The following TMEM245 variants were observed in gnomAD, a reference collection of about 807,000 sequenced individuals.
The protein encoded by TMEM245 is transmembrane protein 245, also known as protein CG-2.
TMEM245 carries 69 observed loss-of-function variants against 101.2 expected under a neutral mutation model. That is an observed-to-expected ratio of 0.68 (90% confidence interval 0.56 to 0.83). TMEM245 has a LOEUF of 0.83. Among genes scored for constraint, TMEM245 ranks in the 40% least tolerant of loss-of-function variants. The probability of loss-of-function intolerance (pLI) is 0.00; values close to 1 mark genes in which losing one functional copy is unlikely to be tolerated. For synonymous variants in TMEM245, 537 were observed against 449.8 expected, an observed-to-expected ratio of 1.19 and a Z score of -2.45; for missense variants, 1,075 against 1,092.8, an observed-to-expected ratio of 0.98 and a Z score of 0.23.
intron 14 of TMEM245, among the ~76,000 whole-genome samples, chr9:109,045,050 G>A (rs913030702): frequency 2.0e-5 from 3 of 152,092 alleles, no homozygotes; most frequent in East Asian, 1.9e-4. Context: ...GTGAGCCACC[G>A]TACCTGGCCT....
chr9:109,063,649 C>T (rs1010282288), intron 10 of TMEM245, among the ~76,000 whole-genome samples: 3 of 152,078 alleles, frequency 2.0e-5, no homozygotes, highest in African/African-American at 7.2e-5. Flanking sequence ...ATCCCAAATC[C>T]ATATGGTGGA....
At chr9:109,107,355 C>T (rs1830455930) in intron 2 of TMEM245, among the ~76,000 whole-genome samples, 1 of 149,958 alleles carries the variant, frequency 6.7e-6, no homozygotes, top group Non-Finnish European at 1.5e-5. Context: ...GCCAAGATCA[C>T]ACCACTGCAC....
intron 1 of TMEM245, among the ~76,000 whole-genome samples, chr9:109,114,830 T>C (rs1264607658): frequency 6.8e-6 from 1 of 147,070 alleles, no homozygotes; most frequent in Non-Finnish European, 1.5e-5. Flanking sequence ...CTGAGTAACA[T>C]GTGAACCTGG....
intron 17 of TMEM245, among the ~76,000 whole-genome samples, chr9:109,022,467 TTATCTATCTATCTATCTATC>T (rs35280235): frequency 6.7e-6 from 1 of 149,456 alleles, no homozygotes; most frequent in Non-Finnish European, 1.5e-5. Context: ...TTTATATGCA[TTATCTATCTATCTATCTATC>T]TATCTATCTA....
chr9:109,077,153 G>A (rs1052656967), intron 8 of TMEM245, among the ~76,000 whole-genome samples: 2 of 151,360 alleles, frequency 1.3e-5, no homozygotes, highest in African/African-American at 4.8e-5. Context: ...GGCGTGTTTC[G>A]TTTTTGTTTT....
At chr9:109,040,690 G>A (rs1034325895) in intron 14 of TMEM245, among the ~76,000 whole-genome samples, 10 of 152,182 alleles carry the variant, frequency 6.6e-5, no homozygotes, top group African/African-American at 2.4e-4. Flanking sequence ...GTACATTCAC[G>A]TTGTCGTGTA....
rs1827450660 is a variant in TMEM245 at position 109,016,655 on chromosome 9, T to G, written c.*3805A>C. 1.2e-5 allele frequency: 1 copy of G among 85,304 alleles called. No individual in the cohort carries two copies. The highest frequency in any genetic ancestry group is 2.1e-5 in the Non-Finnish European group (1 of 48,242). The allele number at this position is 85,304 out of a possible 1,614,324, so 5.3% of individuals were successfully genotyped here. ...CCAAACAGTGGCTGCAGACAGCATG[T>G]GTGTTTTTTTTTTTTTTTTTTTTTG... On this transcript the variant is annotated 3_prime_UTR_variant, in exon 18 of 18. Coordinates refer to ENST00000374586, the MANE Select transcript of TMEM245 (RefSeq NM_032012.4).
chr9:109,071,514 G>A (rs1469892894), intron 9 of TMEM245, among the ~76,000 whole-genome samples: 1 of 151,674 alleles, frequency 6.6e-6, no homozygotes, highest in Admixed American at 6.6e-5. Flanking sequence ...TAAAGTGGGA[G>A]GAATGATTGA....
chr9:109,046,953 A>AT (rs1248060528), intron 14 of TMEM245, among the ~76,000 whole-genome samples: 1 of 152,178 alleles, frequency 6.6e-6, no homozygotes, highest in African/African-American at 2.4e-5. Flanking sequence ...AAATCTGTAC[A>AT]TTTTAAGTCT....
intron 12 of TMEM245, among the ~76,000 whole-genome samples, chr9:109,055,665 G>A (rs996772111): frequency 2.1e-5 from 3 of 143,602 alleles, no homozygotes; most frequent in African/African-American, 7.9e-5. Context: ...ATGGAGTTTC[G>A]CTCTTGTTAC....
rs989382799 is a variant in TMEM245, at chr9:109,109,764, C to T, written c.580-1194G>A. On this transcript the variant is annotated intron_variant, in intron 1 of 17. Transcript: ENST00000374586. ...CAACAACTGGGAAATGATTACGATT[C>T]ACTCAATAAAATGTTATGCAACCAT... is the stretch of plus-strand genomic sequence containing the variant. 1.2e-4 allele frequency among the ~76,000 whole-genome samples: 18 copies of T among 152,070 alleles called. 1 individual carries two copies. Among genetic ancestry groups the T allele is most frequent in the African/African-American group, 3.6e-4 (15 of 41,416 alleles).
intron 1 of TMEM245, 109 bp downstream of exon 1, chr9:109,119,226 A>G: frequency 9.6e-7 from 1 of 1,044,178 alleles, no homozygotes; most frequent in Non-Finnish European, 1.3e-6. Flanking sequence ...TCACTGCAGC[A>G]CAGGTGTGGC....
chr9:109,036,867 T>C lies in TMEM245; in HGVS notation c.2225-487A>G, dbSNP rs1828143352. Among the ~76,000 whole-genome samples the C allele has an allele frequency of 2.6e-5, 4 of 152,214 alleles. No homozygotes were observed. The South Asian group carries it at 8.3e-4, about 32-fold the overall frequency. On this transcript the variant is annotated intron_variant, in intron 15 of 17. Coordinates refer to ENST00000374586, the MANE Select transcript of TMEM245 (RefSeq NM_032012.4). ...TTCAAGCACTCTTCCTCCATCTGGC[T>C]TCTCTCCAAGTTAAGAGTAAAGCAA...
intron 5 of TMEM245, among the ~76,000 whole-genome samples, chr9:109,089,988 C>A (rs960886592): frequency 1.3e-5 from 2 of 152,184 alleles, no homozygotes; most frequent in African/African-American, 2.4e-5. Context: ...CAGCTAGGCG[C>A]AGTGGCTCAC....
chr9:109,060,087 T>C (rs147445964), intron 11 of TMEM245, among the ~76,000 whole-genome samples: 76 of 152,316 alleles, frequency 5.0e-4, no homozygotes, highest in Middle Eastern at 3.4e-3. Context: ...GCATTACACT[T>C]CTCCCGCACA....
Position 109,064,522 on chromosome 9 carries a change from C to T in TMEM245, c.1578G>A (p.Ala526=), listed in dbSNP as rs138324371. Residue 526 remains alanine (A), a synonymous_variant, in exon 10 of 18, where the codon GCG becomes GCA. Transcript: ENST00000374586. The stretch of plus-strand genomic sequence containing the variant: ...GTCCATACTGATACACGTTGTTAGC[C>T]GCAGAATTCAGGGCTCTTTGGACTA... ...AQVVQRALNS[A]ANNVYQYGRE... The T allele has an allele frequency of 3.2e-5, 51 of 1,613,854 alleles. 1 individual carries two copies. Among genetic ancestry groups the T allele is most frequent in the African/African-American group, 2.9e-4 (22 of 75,032 alleles).
At chr9:109,104,301 CATAA>C (rs1353351998) in intron 3 of TMEM245, among the ~76,000 whole-genome samples, 4 of 151,790 alleles carry the variant, frequency 2.6e-5, no homozygotes, top group Non-Finnish European at 5.9e-5. Context: ...CCATGTACCC[CATAA>C]ATATATACAC....
In TMEM245 at chr9:109,119,559, T is replaced by C. The variant is rs1830841229; in HGVS notation, c.355A>G (p.Ile119Val). 2 of 1,537,988 alleles carry C rather than the reference T, an allele frequency of 1.3e-6. No individual in the cohort carries two copies. The highest frequency in any genetic ancestry group is 2.0e-5 in the Admixed American group (1 of 50,252). The part of the protein sequence containing the change: ...LQRLHRAHTP[I>V]VLAALLLPLC... ...GGCAGGAGCAGCGCGGCCAGGACGATGGGCGTGTGCGCGCGGTGCAGGCGC... is the reference window on the plus strand; with the variant it reads ...GGCAGGAGCAGCGCGGCCAGGACGACGGGCGTGTGCGCGCGGTGCAGGCGC... Residue 119 changes from isoleucine to valine, a missense_variant, in exon 1 of 18, where the codon ATC becomes GTC. Ile to Val is a conservative substitution (Grantham distance 29, BLOSUM62 3). This residue lies in a region of TMEM245 where 808 missense variants were observed against 741.5 expected (regional missense o/e 1.09). Transcript: ENST00000374586.
At chr9:109,069,545 G>A (rs2900481) in intron 9 of TMEM245, among the ~76,000 whole-genome samples, 33,626 of 151,946 alleles carry the variant, frequency 0.22, 4,538 homozygotes, top group Admixed American at 0.3. Context: ...CTAATTTCCC[G>A]CCTTCCCCGC....
Sources: allele counts gnomAD v4.1 joint callset (sites outside exome capture counted in the v4.1 genomes callset), GRCh38; gene constraint gnomAD v4.1.1; regional missense constraint gnomAD v4.1.1; transcripts MANE v1.5; gene names NCBI Gene and HGNC (gene_info 2026-07-23, HGNC 2026-07-21).